The following HEMK2 variants were observed in gnomAD, a reference collection of about 807,000 sequenced individuals.
HEMK2 encodes HemK methyltransferase 2, ETF1 glutamine and histone H4 lysine.
chr21:28,661,078 A>C, the HEMK2 span, among the ~76,000 whole-genome samples: 1 of 152,026 alleles, frequency 6.6e-6, no homozygotes, highest in South Asian at 2.1e-4. Flanking sequence ...TTATTTACTG[A>C]CATTATTTGT....
chr21:28,636,923 T>G, the HEMK2 span, among the ~76,000 whole-genome samples: 9 of 152,166 alleles, frequency 5.9e-5, no homozygotes, highest in Non-Finnish European at 1.0e-4. Context: ...CATTTTTGCT[T>G]AGAAGCCACG....
chr21:28,794,001 T>C, the HEMK2 span, among the ~76,000 whole-genome samples: 1 of 152,192 alleles, frequency 6.6e-6, no homozygotes, highest in Non-Finnish European at 1.5e-5. Context: ...GAAAATAATT[T>C]TCTGTTGTTT....
chr21:28,850,315 C>A, the HEMK2 span, among the ~76,000 whole-genome samples: 1 of 150,674 alleles, frequency 6.6e-6, no homozygotes, highest in Non-Finnish European at 1.5e-5. Context: ...AGCTCCACCT[C>A]CCAGGCTCAC....
chr21:28,598,669 C>T, the HEMK2 span, among the ~76,000 whole-genome samples: 4 of 152,308 alleles, frequency 2.6e-5, no homozygotes, highest in Admixed American at 6.5e-5. Context: ...GTCCGCAAGT[C>T]CTTCTAGTAA....
chr21:28,628,523 C>A, the HEMK2 span, among the ~76,000 whole-genome samples: 3 of 152,190 alleles, frequency 2.0e-5, no homozygotes, highest in Admixed American at 2.0e-4. Flanking sequence ...ACGATCTCGG[C>A]TCACTGCAAT....
the HEMK2 span, among the ~76,000 whole-genome samples, chr21:28,807,491 C>T: frequency 3.9e-5 from 6 of 152,164 alleles, no homozygotes; most frequent in African/African-American, 1.4e-4. Flanking sequence ...AACTGCAATG[C>T]AGTCACCATA....
At chr21:28,818,399 C>A in the HEMK2 span, among the ~76,000 whole-genome samples, 2 of 152,038 alleles carry the variant, frequency 1.3e-5, no homozygotes, top group African/African-American at 4.8e-5. Context: ...TATTGTGGGA[C>A]CTCACCTTAT....
the HEMK2 span, among the ~76,000 whole-genome samples, chr21:28,865,398 C>A: frequency 1.3e-5 from 2 of 152,196 alleles, no homozygotes; most frequent in African/African-American, 4.8e-5. Context: ...GACTCCTGGC[C>A]TCAAGTGATC....
chr21:28,862,936 C>T, the HEMK2 span, among the ~76,000 whole-genome samples: 5 of 152,080 alleles, frequency 3.3e-5, no homozygotes, highest in African/African-American at 1.2e-4. Flanking sequence ...TGTTACGTGT[C>T]ATTATGACCT....
chr21:28,792,298 C>T, the HEMK2 span, among the ~76,000 whole-genome samples: 1 of 152,116 alleles, frequency 6.6e-6, no homozygotes. Flanking sequence ...TATGGAGTAG[C>T]CTATCTTTTA....
the HEMK2 span, among the ~76,000 whole-genome samples, chr21:28,645,481 AT>A: frequency 6.6e-6 from 1 of 152,214 alleles, no homozygotes; most frequent in Non-Finnish European, 1.5e-5. Context: ...ATTGACACAA[AT>A]TCCAAAGGAA....
chr21:28,855,545 A>T, the HEMK2 span, among the ~76,000 whole-genome samples: 1 of 152,196 alleles, frequency 6.6e-6, no homozygotes, highest in African/African-American at 2.4e-5. Context: ...TTCCACCCTA[A>T]AACAACAGAA....
At chr21:28,750,571 C>T in the HEMK2 span, among the ~76,000 whole-genome samples, 6 of 151,922 alleles carry the variant, frequency 3.9e-5, no homozygotes, top group African/African-American at 1.5e-4. Context: ...TGTGGTGATA[C>T]ACACCTGTAA....
chr21:28,881,847 A>G, the HEMK2 span, among the ~76,000 whole-genome samples: 446 of 152,134 alleles, frequency 2.9e-3, 1 homozygote, highest in African/African-American at 0.01. Context: ...TATATTGTAC[A>G]AGCTGGTCTT....
the HEMK2 span, among the ~76,000 whole-genome samples, chr21:28,842,631 A>G: frequency 6.6e-6 from 1 of 152,174 alleles, no homozygotes; most frequent in Non-Finnish European, 1.5e-5. Context: ...CCCACCTAAC[A>G]GAAGCCGAGT....
chr21:28,705,825 A>T, the HEMK2 span, among the ~76,000 whole-genome samples: 202 of 151,938 alleles, frequency 1.3e-3, no homozygotes, highest in African/African-American at 4.7e-3. Context: ...ATGACTCATG[A>T]CTCCCTCCCC....
the HEMK2 span, among the ~76,000 whole-genome samples, chr21:28,616,230 C>G: frequency 6.6e-6 from 1 of 152,060 alleles, no homozygotes; most frequent in Non-Finnish European, 1.5e-5. Context: ...ATATAAGCAA[C>G]AAGGAAATGT....
the HEMK2 span, among the ~76,000 whole-genome samples, chr21:28,721,667 C>T: frequency 6.6e-6 from 1 of 152,090 alleles, no homozygotes; most frequent in African/African-American, 2.4e-5. Flanking sequence ...GCTATACTTA[C>T]ATCCTACTTA....
chr21:28,852,840 T>C, the HEMK2 span, among the ~76,000 whole-genome samples: 1 of 152,202 alleles, frequency 6.6e-6, no homozygotes, highest in Non-Finnish European at 1.5e-5. Flanking sequence ...AACACCATGA[T>C]TAATTAGCCA....
Sources: allele counts gnomAD v4.1 joint callset (sites outside exome capture counted in the v4.1 genomes callset), GRCh38; gene constraint gnomAD v4.1.1; transcripts MANE v1.5; gene names NCBI Gene and HGNC (gene_info 2026-07-23, HGNC 2026-07-21).